Variants in IMMP2L observed in about 807,000 individuals in gnomAD.
IMMP2L encodes mitochondrial inner membrane protease subunit 2.
A neutral mutation model predicts 19.3 loss-of-function variants in IMMP2L; 18 were observed. That is an observed-to-expected ratio of 0.93 (90% CI 0.64 to 1.38). The LOEUF (loss-of-function observed/expected upper bound fraction) is 1.38. Among genes scored for constraint, IMMP2L ranks in the 40% most tolerant of loss-of-function variants. The probability of loss-of-function intolerance (pLI) is 0.00; values close to 1 mark genes in which losing one functional copy is unlikely to be tolerated. For synonymous variants in IMMP2L, 76 were observed against 73.0 expected, an observed-to-expected ratio of 1.04 and a Z score of -0.21; for missense variants, 233 against 218.2, an observed-to-expected ratio of 1.07 and a Z score of -0.43.
At chr7:111,300,451 A>T (rs1045626085) in intron 3 of IMMP2L, among the ~76,000 whole-genome samples, 1 of 152,126 alleles carries the variant, frequency 6.6e-6, no homozygotes, top group Non-Finnish European at 1.5e-5. Context: ...ATACATAGAG[A>T]TCCCATGTAC....
Position 111,128,040 on chromosome 7 carries a change from T to C in IMMP2L, c.240-164475A>G, listed in dbSNP as rs568883673. On this transcript the variant is annotated intron_variant, in intron 3 of 5. Transcript: ENST00000405709. ...AGAAAGAAATGAAACAGATTTATGG[T>C]ACATATACTAGTCATTTAATACTTA... Among the ~76,000 whole-genome samples, 9 of 152,282 alleles carry C rather than the reference T, an allele frequency of 5.9e-5. No homozygotes were observed. In the South Asian group the frequency reaches 1.9e-3, roughly 32 times the overall value.
chr7:111,278,117 T>G (rs2130528850), intron 3 of IMMP2L, among the ~76,000 whole-genome samples: 1 of 152,234 alleles, frequency 6.6e-6, no homozygotes, highest in South Asian at 2.1e-4. Flanking sequence ...AGCCACCTGT[T>G]GAGTACAATA....
chr7:111,466,633 C>T (rs1186024636), intron 3 of IMMP2L, among the ~76,000 whole-genome samples: 1 of 152,020 alleles, frequency 6.6e-6, no homozygotes, highest in East Asian at 1.9e-4. Context: ...TTTATCAATA[C>T]ATCAGAAATA....
intron 5 of IMMP2L, among the ~76,000 whole-genome samples, chr7:110,785,817 C>T (rs1393192187): frequency 6.6e-6 from 1 of 151,878 alleles, no homozygotes; most frequent in Non-Finnish European, 1.5e-5. Flanking sequence ...AATAAAATTT[C>T]AAGAAACTAT....
At chr7:110,978,147 A>G (rs2129557575) in intron 3 of IMMP2L, among the ~76,000 whole-genome samples, 1 of 152,174 alleles carries the variant, frequency 6.6e-6, no homozygotes, top group South Asian at 2.1e-4. Flanking sequence ...GGTATTCAGA[A>G]TAAGCCACTA....
At chr7:110,706,963 T>A (rs1794731657) in intron 5 of IMMP2L, among the ~76,000 whole-genome samples, 1 of 151,454 alleles carries the variant, frequency 6.6e-6, no homozygotes, top group South Asian at 2.1e-4. Flanking sequence ...TCTTCTAGGA[T>A]TTTTACAGTT....
At chr7:111,439,462 C>T (rs764622696) in intron 3 of IMMP2L, among the ~76,000 whole-genome samples, 3 of 151,722 alleles carry the variant, frequency 2.0e-5, no homozygotes, top group East Asian at 1.9e-4. Flanking sequence ...GTGAGTCACA[C>T]GAATTTTTTG....
chr7:110,896,028 C>T (rs564617199), intron 4 of IMMP2L, among the ~76,000 whole-genome samples: 2 of 152,128 alleles, frequency 1.3e-5, no homozygotes, highest in African/African-American at 4.8e-5. Flanking sequence ...TGCTATGTTG[C>T]CCAGGCTACT....
intron 4 of IMMP2L, among the ~76,000 whole-genome samples, chr7:110,943,071 T>A (rs1031458776): frequency 2.0e-5 from 3 of 152,112 alleles, no homozygotes; most frequent in Middle Eastern, 3.4e-3. Context: ...TAAAAAGTAA[T>A]ACTAATAGAA....
At chr7:111,181,963 T>A (rs1807757956) in intron 3 of IMMP2L, among the ~76,000 whole-genome samples, 2 of 152,014 alleles carry the variant, frequency 1.3e-5, no homozygotes, top group Admixed American at 1.3e-4. Flanking sequence ...GCTTCAAAAG[T>A]TTTAAGAATA....
At chr7:111,165,365 A>G (rs1805707108) in intron 3 of IMMP2L, among the ~76,000 whole-genome samples, 1 of 152,082 alleles carries the variant, frequency 6.6e-6, no homozygotes, top group South Asian at 2.1e-4. Context: ...GCGATTCTGA[A>G]TAACATGCTA....
intron 3 of IMMP2L, among the ~76,000 whole-genome samples, chr7:111,229,526 C>T (rs1813492940): frequency 6.6e-6 from 1 of 152,018 alleles, no homozygotes; most frequent in African/African-American, 2.4e-5. Context: ...AAGGTTGCCA[C>T]ACCAACTCAC....
At chr7:110,794,999 C>T (rs1800764108) in intron 5 of IMMP2L, among the ~76,000 whole-genome samples, 2 of 152,040 alleles carry the variant, frequency 1.3e-5, no homozygotes, top group Admixed American at 1.3e-4. Flanking sequence ...ACTGCTCTTT[C>T]CTCTGGTTCA....
intron 3 of IMMP2L, among the ~76,000 whole-genome samples, chr7:111,078,793 C>T (rs975476322): frequency 2.0e-5 from 3 of 152,052 alleles, no homozygotes; most frequent in Non-Finnish European, 4.4e-5. Context: ...TGCAATGGCA[C>T]GATCTCAGCT....
intron 5 of IMMP2L, among the ~76,000 whole-genome samples, chr7:110,746,320 C>A (rs1797344431): frequency 2.0e-5 from 3 of 152,008 alleles, no homozygotes; most frequent in African/African-American, 7.3e-5. Flanking sequence ...GACTTTAATA[C>A]CCCACTGTCA....
chr7:111,518,892 G>A (rs1051656819), intron 2 of IMMP2L, among the ~76,000 whole-genome samples: 1 of 152,012 alleles, frequency 6.6e-6, no homozygotes, highest in African/African-American at 2.4e-5. Context: ...TCTAGGAAAT[G>A]TCACCTGTAC....
chr7:111,139,547 A>T (rs2129597619), intron 3 of IMMP2L, among the ~76,000 whole-genome samples: 1 of 152,272 alleles, frequency 6.6e-6, no homozygotes, highest in South Asian at 2.1e-4. Context: ...TAAAAATGCT[A>T]TAGCAATTAA....
chr7:110,686,441 C>T (rs1457849363), intron 5 of IMMP2L, among the ~76,000 whole-genome samples: 1 of 151,936 alleles, frequency 6.6e-6, no homozygotes, highest in Non-Finnish European at 1.5e-5. Flanking sequence ...CAGTCCTATC[C>T]TTTCTCCTGA....
At chr7:111,006,353 A>C (rs949619054) in intron 3 of IMMP2L, among the ~76,000 whole-genome samples, 5 of 152,096 alleles carry the variant, frequency 3.3e-5, no homozygotes, top group Admixed American at 6.6e-5. Context: ...ATATCATATT[A>C]TTTGGCCTCT....
Sources: gnomAD v4.1 joint callset for allele counts (sites outside exome capture counted in the v4.1 genomes callset) on GRCh38, gnomAD v4.1.1 for gene constraint, MANE v1.5 for transcripts, NCBI Gene and HGNC (gene_info 2026-07-23, HGNC 2026-07-21) for gene names.